The following IMPG1 variants were observed in gnomAD, a reference collection of about 807,000 sequenced individuals.
IMPG1 encodes interphotoreceptor matrix proteoglycan 1, also known as interphotoreceptor matrix proteoglycan of 150 kDa.
Under a neutral mutation model 92.0 loss-of-function variants are expected in IMPG1, and 85 were observed. The observed-to-expected ratio is 0.92, with a 90% confidence interval of 0.78 to 1.11. The LOEUF is 1.11. Among genes scored for constraint, IMPG1 ranks in the 50% least tolerant of loss-of-function variants. The pLI, the probability that IMPG1 is intolerant of heterozygous loss-of-function variation, is 0.00. For missense variants in IMPG1, 1,022 were observed against 956.0 expected (o/e 1.07, Z -0.91); for synonymous variants, 367 against 334.1 (o/e 1.10, Z -1.08).
intron 4 of IMPG1, among the ~76,000 whole-genome samples, chr6:76,033,947 TTTGA>T (rs1484232913): frequency 2.0e-5 from 3 of 152,210 alleles, no homozygotes; most frequent in Non-Finnish European, 4.4e-5. Context: ...CAAGTTGTTC[TTTGA>T]TTGTATTAAA....
At chr6:75,996,897 G>C (rs1782911218) in intron 12 of IMPG1, among the ~76,000 whole-genome samples, 1 of 152,210 alleles carries the variant, frequency 6.6e-6, no homozygotes, top group Non-Finnish European at 1.5e-5. Flanking sequence ...GGGAGTGAAA[G>C]ACGGGAACAG....
intron 12 of IMPG1, among the ~76,000 whole-genome samples, chr6:75,993,953 G>A (rs1420050566): frequency 1.3e-5 from 2 of 152,166 alleles, no homozygotes; most frequent in Non-Finnish European, 2.9e-5. Context: ...GGTAGTCTGT[G>A]AGGGGCTGCA....
chr6:75,988,080 A>G (rs1391236910), intron 12 of IMPG1, among the ~76,000 whole-genome samples: 2 of 152,216 alleles, frequency 1.3e-5, no homozygotes, highest in African/African-American at 4.8e-5. Flanking sequence ...CACGATAAAC[A>G]TATGTGTGCA....
intron 12 of IMPG1, 111 bp downstream of exon 12, chr6:76,002,807 C>A (rs1783018944): frequency 4.9e-6 from 4 of 812,186 alleles, no homozygotes; most frequent in Non-Finnish European, 8.4e-6. Flanking sequence ...GGCAGTGAAC[C>A]TTTTCCTGGG....
intron 12 of IMPG1, among the ~76,000 whole-genome samples, chr6:75,957,972 C>T (rs998004591): frequency 1.7e-4 from 26 of 152,024 alleles, no homozygotes; most frequent in African/African-American, 5.6e-4. Flanking sequence ...TTATTTTGCC[C>T]GTTTGTTGAT....
At chr6:75,958,559 C>T (rs1234856145) in intron 12 of IMPG1, among the ~76,000 whole-genome samples, 3 of 152,112 alleles carry the variant, frequency 2.0e-5, no homozygotes, top group Non-Finnish European at 4.4e-5. Context: ...TTCACATAGT[C>T]CCATATTTCT....
intron 15 of IMPG1, among the ~76,000 whole-genome samples, chr6:75,924,342 G>T (rs1781483438): frequency 7.3e-6 from 1 of 137,914 alleles, no homozygotes; most frequent in South Asian, 2.2e-4. Context: ...GAGTCAACCT[G>T]TTGTTCATCA....
chr6:76,030,951 T>C (rs1027356801), intron 4 of IMPG1, among the ~76,000 whole-genome samples: 1 of 152,086 alleles, frequency 6.6e-6, no homozygotes, highest in East Asian at 1.9e-4. Flanking sequence ...GCCTGGCCCA[T>C]CCTCGTTTGG....
At chr6:75,949,844 G>A (rs189128762) in intron 13 of IMPG1, among the ~76,000 whole-genome samples, 1 of 152,198 alleles carries the variant, frequency 6.6e-6, no homozygotes, top group East Asian at 1.9e-4. Context: ...TAACTTATAT[G>A]AAGTATAAAA....
At chr6:76,071,499 T>G (rs1449540684) in intron 1 of IMPG1, among the ~76,000 whole-genome samples, 1 of 151,870 alleles carries the variant, frequency 6.6e-6, no homozygotes, top group Non-Finnish European at 1.5e-5. Flanking sequence ...TTCCAGAAAT[T>G]TTTTTCTCCC....
intron 15 of IMPG1, among the ~76,000 whole-genome samples, chr6:75,924,607 TTATA>T (rs1160664772): frequency 2.7e-5 from 1 of 37,652 alleles, no homozygotes; most frequent in Non-Finnish European, 4.8e-5. Context: ...ATATAATTAA[TTATA>T]TATAATATAT....
At chr6:76,029,857 C>T (rs779300967) in intron 4 of IMPG1, among the ~76,000 whole-genome samples, 9 of 152,038 alleles carry the variant, frequency 5.9e-5, no homozygotes, top group Non-Finnish European at 1.2e-4. Context: ...TTTTCTCTCC[C>T]TTGTTGGAGG....
intron 9 of IMPG1, 123 bp from the exon 10 acceptor site, chr6:76,005,657 G>A: frequency 1.1e-6 from 1 of 878,760 alleles, no homozygotes; most frequent in Non-Finnish European, 1.8e-6. Context: ...GGCTCGGAGA[G>A]AATATCCCAC....
At chr6:75,937,057 TCCCAGGAGGCAAAGGGCCAGCAGCATGAC>T (rs1474298284) in intron 14 of IMPG1, among the ~76,000 whole-genome samples, 2 of 152,004 alleles carry the variant, frequency 1.3e-5, no homozygotes, top group Non-Finnish European at 2.9e-5. Context: ...GTGCTGCGTG[TCCCAGGAGGCAAAGGGCCAGCAGCATGAC>T]CCCAGGAGAC....
At chr6:75,999,733 C>T (rs1782957258) in intron 12 of IMPG1, among the ~76,000 whole-genome samples, 1 of 152,170 alleles carries the variant, frequency 6.6e-6, no homozygotes, top group Non-Finnish European at 1.5e-5. Context: ...AATATTTGCA[C>T]TCTAGGTCCA....
At chr6:76,033,434 T>G (rs1783685302) in intron 4 of IMPG1, among the ~76,000 whole-genome samples, 1 of 152,198 alleles carries the variant, frequency 6.6e-6, no homozygotes, top group South Asian at 2.1e-4. Flanking sequence ...AGGAATCTTT[T>G]GAAAGCCATT....
At chr6:75,930,923 G>A in intron 15 of IMPG1, 30 bp downstream of exon 15, 1 of 1,583,316 alleles carries the variant, frequency 6.3e-7, no homozygotes, top group Non-Finnish European at 8.7e-7. Flanking sequence ...ATGAGTTCTT[G>A]AGTCTGTGAC....
intron 12 of IMPG1, among the ~76,000 whole-genome samples, chr6:75,984,895 A>G (rs534126919): frequency 6.6e-6 from 1 of 152,168 alleles, no homozygotes; most frequent in East Asian, 1.9e-4. Context: ...CTCCCACCTC[A>G]TCTTCCACCA....
chr6:75,999,464 G>A (rs969966892), intron 12 of IMPG1, among the ~76,000 whole-genome samples: 3 of 152,142 alleles, frequency 2.0e-5, no homozygotes, highest in African/African-American at 4.8e-5. Flanking sequence ...GCAGGATTTT[G>A]GAGCCCTAAT....
Sources: gnomAD v4.1 joint callset for allele counts (sites outside exome capture counted in the v4.1 genomes callset) on GRCh38, gnomAD v4.1.1 for gene constraint, MANE v1.5 for transcripts, NCBI Gene and HGNC (gene_info 2026-07-23, HGNC 2026-07-21) for gene names.